The following SNTG1 variants were observed in gnomAD, a reference collection of about 807,000 sequenced individuals.
SNTG1 encodes syntrophin gamma 1.
SNTG1 carries 39 observed loss-of-function variants against 74.7 expected under a neutral mutation model. The ratio of observed to expected loss-of-function variants is 0.52; its 90% confidence interval spans 0.40 to 0.68. SNTG1 has a LOEUF of 0.68. SNTG1 is among the 30% of genes least tolerant of loss of function. The pLI is 0.00. For synonymous variants in SNTG1, 254 were observed against 217.1 expected, an observed-to-expected ratio of 1.17 and a Z score of -1.49; for missense variants, 685 against 609.5, an observed-to-expected ratio of 1.12 and a Z score of -1.30.
At chr8:50,678,800 A>C (rs570079269) in intron 15 of SNTG1, among the ~76,000 whole-genome samples, 20 of 152,228 alleles carry the variant, frequency 1.3e-4, no homozygotes, top group Admixed American at 1.2e-3. Flanking sequence ...ATTTTTTGTA[A>C]AACTATTGAG....
At chr8:50,516,249 A>G (rs1324272070) in intron 9 of SNTG1, among the ~76,000 whole-genome samples, 1 of 152,210 alleles carries the variant, frequency 6.6e-6, no homozygotes, top group Non-Finnish European at 1.5e-5. Flanking sequence ...AAATAGCATC[A>G]CCATCAACAA....
At chr8:50,062,014 T>A (rs1219950220) in intron 1 of SNTG1, among the ~76,000 whole-genome samples, 1 of 152,124 alleles carries the variant, frequency 6.6e-6, no homozygotes, top group Non-Finnish European at 1.5e-5. Context: ...ATCAATTATA[T>A]CAGATATTGA....
chr8:50,009,995 A>G (rs2130553395), intron 1 of SNTG1, among the ~76,000 whole-genome samples: 1 of 152,220 alleles, frequency 6.6e-6, no homozygotes, highest in South Asian at 2.1e-4. Context: ...GACTCTGTCT[A>G]AAAAAACCCA....
At chr8:50,085,452 T>C (rs1822796013) in intron 1 of SNTG1, among the ~76,000 whole-genome samples, 1 of 152,220 alleles carries the variant, frequency 6.6e-6, no homozygotes, top group Non-Finnish European at 1.5e-5. Context: ...GTACTTTACA[T>C]TCTTCTGAGC....
At chr8:50,316,585 G>C (rs1172497578) in intron 2 of SNTG1, among the ~76,000 whole-genome samples, 1 of 152,108 alleles carries the variant, frequency 6.6e-6, no homozygotes, top group Non-Finnish European at 1.5e-5. Flanking sequence ...ATTTTCTGCT[G>C]ATGGCAACCT....
chr8:50,468,164 AGTC>A (rs1468586497), intron 8 of SNTG1, among the ~76,000 whole-genome samples: 1 of 152,056 alleles, frequency 6.6e-6, no homozygotes, highest in Admixed American at 6.6e-5. Context: ...AGTACTGTTC[AGTC>A]CAACTGTATT....
rs565524681 is a variant in SNTG1 at position 50,390,852 on chromosome 8, C to T, written c.-27-3360C>T. Among the ~76,000 whole-genome samples, 68 of 152,234 alleles carry T rather than the reference C, an allele frequency of 4.5e-4. 1 individual carries two copies. The highest frequency in any genetic ancestry group is 1.1e-3 in the African/African-American group (45 of 41,546). On this transcript the variant is annotated intron_variant, in intron 2 of 18. Coordinates refer to ENST00000642720, the MANE Select transcript of SNTG1 (RefSeq NM_018967.5). ...AAGCAATTGTGAATGGGAATTCACT[C>T]TTTATTTGGCTCTCTGTTTGTCTGT...
intron 2 of SNTG1, among the ~76,000 whole-genome samples, chr8:50,368,073 G>T (rs1042036635): frequency 9.2e-5 from 14 of 152,152 alleles, no homozygotes; most frequent in African/African-American, 3.4e-4. Context: ...GAGCTGTAGA[G>T]AGGGCTTCAC....
chr8:50,117,255 T>G (rs1251813047), intron 1 of SNTG1, among the ~76,000 whole-genome samples: 1 of 152,036 alleles, frequency 6.6e-6, no homozygotes, highest in East Asian at 1.9e-4. Flanking sequence ...AATTTGGACT[T>G]GTCATGCTGT....
At chr8:50,518,674 C>T (rs111389902) in intron 9 of SNTG1, among the ~76,000 whole-genome samples, 5,712 of 152,272 alleles carry the variant, frequency 0.038, 373 homozygotes, top group African/African-American at 0.13. Context: ...ATACTATAAA[C>T]ACCTCTATGC....
chr8:50,599,066 A>G (rs1474572772), intron 13 of SNTG1, among the ~76,000 whole-genome samples: 4 of 152,072 alleles, frequency 2.6e-5, no homozygotes, highest in African/African-American at 9.6e-5. Flanking sequence ...CATCATGGAA[A>G]ATGGAGTGTT....
At chr8:50,091,471 A>G (rs1008978892) in intron 1 of SNTG1, among the ~76,000 whole-genome samples, 6 of 152,130 alleles carry the variant, frequency 3.9e-5, no homozygotes, top group Non-Finnish European at 7.4e-5. Flanking sequence ...CCTGGTTATC[A>G]TCATTCCACT....
At chr8:50,510,011 T>C (rs2094052237) in intron 9 of SNTG1, among the ~76,000 whole-genome samples, 1 of 152,206 alleles carries the variant, frequency 6.6e-6, no homozygotes, top group Non-Finnish European at 1.5e-5. Flanking sequence ...AAGGGAATGC[T>C]TCCAGTTTTT....
At chr8:50,047,096 G>T (rs1819154775) in intron 1 of SNTG1, among the ~76,000 whole-genome samples, 1 of 152,012 alleles carries the variant, frequency 6.6e-6, no homozygotes. Flanking sequence ...TTAAATTCCA[G>T]CACTTTGGGA....
At chr8:50,719,778 A>G (rs2095483332) in intron 17 of SNTG1, among the ~76,000 whole-genome samples, 1 of 152,194 alleles carries the variant, frequency 6.6e-6, no homozygotes, top group Non-Finnish European at 1.5e-5. Flanking sequence ...TAATACATCA[A>G]CTTACCAGAT....
At chr8:50,034,622 G>T (rs28468445) in intron 1 of SNTG1, among the ~76,000 whole-genome samples, 1 of 151,962 alleles carries the variant, frequency 6.6e-6, no homozygotes, top group Admixed American at 6.6e-5. Context: ...CTAGTGCAAG[G>T]GTGTCCAATA....
Position 50,484,133 on chromosome 8 carries a change from TTTCC to T in SNTG1, c.364-18641_364-18638del, listed in dbSNP as rs1476788755. Reference sequence around the variant, plus strand: ...CTTTCTTTCTTTCTTTCTTTCTTTCTTTCCTTCTTTCTTTCTTTCCTTCCTTCCT... The same window carrying T: ...CTTTCTTTCTTTCTTTCTTTCTTTCTTTCTTTCTTTCTTTCCTTCCTTCCT... On this transcript the variant is annotated intron_variant, in intron 8 of 18. Coordinates refer to ENST00000642720, the MANE Select transcript of SNTG1 (RefSeq NM_018967.5). 7.4e-3 allele frequency among the ~76,000 whole-genome samples: 573 copies of T among 77,138 alleles called. 6 individuals are homozygous for T. Among genetic ancestry groups the T allele is most frequent in the African/African-American group, 0.021 (433 of 20,322 alleles). The allele number at this position is 77,138 out of a possible 152,430, so 50.6% of individuals were successfully genotyped here. A position where few individuals can be genotyped will look rare whatever the true frequency, so the allele number is the denominator to read the frequency against.
At chr8:50,105,829 C>T (rs184193565) in intron 1 of SNTG1, among the ~76,000 whole-genome samples, 69 of 152,064 alleles carry the variant, frequency 4.5e-4, no homozygotes, top group Admixed American at 4.1e-3. Flanking sequence ...TGGCTTTCAG[C>T]TTGGACATTA....
At chr8:50,264,956 C>T (rs558335719) in intron 2 of SNTG1, among the ~76,000 whole-genome samples, 1 of 151,992 alleles carries the variant, frequency 6.6e-6, no homozygotes, top group African/African-American at 2.4e-5. Flanking sequence ...TAGAATAGAC[C>T]TATAAATAAT....
Sources: allele counts gnomAD v4.1 joint callset (sites outside exome capture counted in the v4.1 genomes callset), GRCh38; gene constraint gnomAD v4.1.1; transcripts MANE v1.5; gene names NCBI Gene and HGNC (gene_info 2026-07-23, HGNC 2026-07-21).